Variants in CRYBG1 observed in about 807,000 individuals in gnomAD.
The protein encoded by CRYBG1 is crystallin beta-gamma domain containing 1.
A neutral mutation model predicts 189.2 loss-of-function variants in CRYBG1; 139 were observed. That is an observed-to-expected ratio of 0.73 (90% CI 0.64 to 0.85). CRYBG1 has a LOEUF of 0.85. CRYBG1 is among the 40% of genes least tolerant of loss of function. CRYBG1 has a pLI of 0.00. For missense variants in CRYBG1, 2,611 were observed against 2,675.8 expected (o/e 0.98, Z 0.53); for synonymous variants, 1,023 against 1,017.1 (o/e 1.01, Z -0.11).
At chr6:106,374,967 T>G (rs1349321593) in intron 1 of CRYBG1, among the ~76,000 whole-genome samples, 1 of 152,112 alleles carries the variant, frequency 6.6e-6, no homozygotes, top group African/African-American at 2.4e-5. Context: ...GATATTAAAT[T>G]TTGTTGTAGG....
intron 1 of CRYBG1, 59 bp from the exon 2 acceptor site, chr6:106,451,635 C>T (rs1771783061): frequency 7.1e-7 from 1 of 1,404,540 alleles, no homozygotes; most frequent in African/African-American, 1.5e-5. Context: ...CTTTGGGTTT[C>T]TTGAGATTTT....
At chr6:106,490,400 C>T (rs1001628215) in intron 2 of CRYBG1, among the ~76,000 whole-genome samples, 4 of 152,088 alleles carry the variant, frequency 2.6e-5, no homozygotes, top group African/African-American at 7.2e-5. Flanking sequence ...AGGAACTAAT[C>T]GAAACCTAAT....
chr6:106,408,493 A>G (rs1398581057), intron 1 of CRYBG1, among the ~76,000 whole-genome samples: 1 of 152,234 alleles, frequency 6.6e-6, no homozygotes, highest in Non-Finnish European at 1.5e-5. Context: ...ATCAATAGAA[A>G]AAGAGGGACT....
chr6:106,465,239 C>T (rs1404569120), intron 2 of CRYBG1, among the ~76,000 whole-genome samples: 1 of 152,186 alleles, frequency 6.6e-6, no homozygotes, highest in Non-Finnish European at 1.5e-5. Context: ...ACACCTATTA[C>T]AGTGCCTGGC....
chr6:106,394,534 C>T (rs917220338), intron 1 of CRYBG1, among the ~76,000 whole-genome samples: 2 of 152,070 alleles, frequency 1.3e-5, no homozygotes, highest in East Asian at 1.9e-4. Flanking sequence ...CTAAGTAAAC[C>T]GAACATGAGG....
intron 1 of CRYBG1, among the ~76,000 whole-genome samples, chr6:106,365,059 G>A (rs887030327): frequency 6.6e-6 from 1 of 152,040 alleles, no homozygotes; most frequent in Non-Finnish European, 1.5e-5. Flanking sequence ...TAATGAAAGT[G>A]GTACTTTCTT....
At chr6:106,556,786 C>T (rs1372578286) in intron 17 of CRYBG1, among the ~76,000 whole-genome samples, 2 of 152,128 alleles carry the variant, frequency 1.3e-5, no homozygotes, top group Non-Finnish European at 2.9e-5. Context: ...TTCATCTCAT[C>T]CCTGCCTGCC....
chr6:106,503,632 CAAT>C (rs1773058981), intron 2 of CRYBG1, among the ~76,000 whole-genome samples: 1 of 152,180 alleles, frequency 6.6e-6, no homozygotes, highest in African/African-American at 2.4e-5. Context: ...CGTAGACACT[CAAT>C]AATTATCAGT....
chr6:106,469,062 G>A (rs1772170929), intron 2 of CRYBG1, among the ~76,000 whole-genome samples: 1 of 152,114 alleles, frequency 6.6e-6, no homozygotes, highest in Non-Finnish European at 1.5e-5. Context: ...CCTGGCTCCT[G>A]CCCCTGCCCA....
chr6:106,433,736 CATATATATGTAT>C (rs1463805116), intron 1 of CRYBG1, among the ~76,000 whole-genome samples: 3 of 27,648 alleles, frequency 1.1e-4, no homozygotes, highest in Non-Finnish European at 2.8e-4. Context: ...TATATATATA[CATATATATGTAT>C]ATATATATGT....
intron 2 of CRYBG1, among the ~76,000 whole-genome samples, chr6:106,476,141 A>C (rs901851187): frequency 1.3e-5 from 2 of 152,256 alleles, no homozygotes; most frequent in Non-Finnish European, 2.9e-5. Flanking sequence ...GTATATTTCC[A>C]AAATTCAACC....
Position 106,520,963 on chromosome 6 carries a change from A to G in CRYBG1, c.3755A>G (p.Gln1252Arg), listed in dbSNP as rs1299671932. The change falls in exon 4 of 22, where the codon CAA becomes CGA. Residue 1252 changes from glutamine to arginine, a missense_variant. Coordinates refer to ENST00000633556, the MANE Select transcript of CRYBG1 (RefSeq NM_001371242.2). ...LFSSLLSSLP[Q>R]DKIFSPSVTS... ...TCAAGCTTGTTATCTTCTTTACCAC[A>G]AGACAAAATCTTTTCTCCTTCTGTG... 1.2e-6 allele frequency: 2 copies of G among 1,614,072 alleles called. No homozygotes were observed. Among genetic ancestry groups the G allele is most frequent in the East Asian group, 2.2e-5 (1 of 44,898 alleles).
At chr6:106,509,414 C>A (rs1381506884) in intron 2 of CRYBG1, among the ~76,000 whole-genome samples, 5 of 152,140 alleles carry the variant, frequency 3.3e-5, no homozygotes, top group Admixed American at 3.3e-4. Flanking sequence ...ACTTCGAATT[C>A]TTCCTATATT....
At chr6:106,528,290 A>G (rs17495678) in intron 7 of CRYBG1, among the ~76,000 whole-genome samples, 5,594 of 152,302 alleles carry the variant, frequency 0.037, 140 homozygotes, top group Non-Finnish European at 0.052. Context: ...GAGAAGACTA[A>G]GTAAGACTTG....
chr6:106,564,118 G>A (rs1774803596), intron 21 of CRYBG1, among the ~76,000 whole-genome samples, 192 bp downstream of exon 21: 1 of 152,036 alleles, frequency 6.6e-6, no homozygotes, highest in Non-Finnish European at 1.5e-5. Context: ...GCCGCCCTAT[G>A]AGGCCTACAT....
intron 1 of CRYBG1, among the ~76,000 whole-genome samples, chr6:106,406,249 G>A (rs559928569): frequency 1.2e-4 from 18 of 152,086 alleles, no homozygotes; most frequent in East Asian, 3.9e-4. Context: ...ATAAATAGCC[G>A]AATCGATCAA....
intron 2 of CRYBG1, among the ~76,000 whole-genome samples, chr6:106,473,533 C>A (rs1772278053): frequency 6.6e-6 from 1 of 152,100 alleles, no homozygotes; most frequent in African/African-American, 2.4e-5. Flanking sequence ...AAAGAGAGAA[C>A]CAGGCGATGG....
rs1389402680 is a variant in CRYBG1, at chr6:106,570,810, G to A, written c.*2244G>A. On this transcript the variant is annotated 3_prime_UTR_variant, in exon 22 of 22. Coordinates refer to ENST00000633556, the MANE Select transcript of CRYBG1 (RefSeq NM_001371242.2). ...GTAAGACCAGACCAACAATTTTAGA[G>A]AAAAGCCTACATCTAACATACATGC... 3 of 152,028 alleles carry A rather than the reference G, an allele frequency of 2.0e-5. No homozygotes were observed. The highest frequency in any genetic ancestry group is 7.2e-5 in the African/African-American group (3 of 41,384). 9.4% of individuals were successfully genotyped at this position (152,028 alleles called of 1,614,324 possible). A position where few individuals can be genotyped will look rare whatever the true frequency, so the allele number is the denominator to read the frequency against.
intron 2 of CRYBG1, among the ~76,000 whole-genome samples, chr6:106,485,787 G>A (rs945092410): frequency 6.6e-6 from 1 of 152,210 alleles, no homozygotes; most frequent in African/African-American, 2.4e-5. Flanking sequence ...ATTTGTGTAT[G>A]TTGAACTATC....
Sources: gnomAD v4.1 joint callset for allele counts (sites outside exome capture counted in the v4.1 genomes callset) on GRCh38, gnomAD v4.1.1 for gene constraint, MANE v1.5 for transcripts, NCBI Gene and HGNC (gene_info 2026-07-23, HGNC 2026-07-21) for gene names.